SPATA18: variants seen among roughly 807,000 people sequenced by gnomAD.
SPATA18 encodes the protein spermatogenesis associated 18.
SPATA18 carries 54 observed loss-of-function variants against 68.1 expected under a neutral mutation model. That is an observed-to-expected ratio of 0.79 (90% CI 0.64 to 0.99). SPATA18 has a LOEUF of 0.99. Among genes scored for constraint, SPATA18 ranks in the 50% least tolerant of loss-of-function variants. SPATA18 has a pLI of 0.00. For missense variants in SPATA18, 724 were observed against 681.1 expected (o/e 1.06, Z -0.70); for synonymous variants, 242 against 244.8 (o/e 0.99, Z 0.11).
At chr4:52,053,476 T>C (rs977533328) in intron 1 of SPATA18, among the ~76,000 whole-genome samples, 4 of 152,222 alleles carry the variant, frequency 2.6e-5, no homozygotes, top group African/African-American at 9.6e-5. Context: ...CCTCCACTCC[T>C]GCTTCATCTG....
At chr4:52,060,105 T>G (rs1038705954) in intron 1 of SPATA18, among the ~76,000 whole-genome samples, 1 of 152,192 alleles carries the variant, frequency 6.6e-6, no homozygotes, top group African/African-American at 2.4e-5. Context: ...CTGCATTCAG[T>G]TGGCAGAAGG....
Position 52,076,821 on chromosome 4 carries a change from TAGCTGC to T in SPATA18, c.805_810del (p.Cys269_Ser270del). The T allele has an allele frequency of 6.2e-7, 1 of 1,614,110 alleles. No individual in the cohort carries two copies. The highest frequency in any genetic ancestry group is 8.5e-7 in the Non-Finnish European group (1 of 1,179,992). On this transcript the variant is annotated inframe_deletion, in exon 7 of 13. Coordinates refer to ENST00000295213, the MANE Select transcript of SPATA18 (RefSeq NM_145263.4). The stretch of plus-strand genomic sequence containing the variant: ...CTCCCAGCCCTGCCCCTCGCAGCCG[TAGCTGC>T]AGCCGCAGCAGATCTGCCAGCCCCT...
chr4:52,071,799 A>T, intron 5 of SPATA18, 118 bp from the exon 6 acceptor site: 1 of 985,726 alleles, frequency 1.0e-6, no homozygotes, highest in South Asian at 1.7e-5. Flanking sequence ...CAATAATGGC[A>T]GGCTGAGTAG....
intron 1 of SPATA18, among the ~76,000 whole-genome samples, chr4:52,060,050 T>A (rs711347): frequency 0.58 from 88,660 of 152,098 alleles, 29,549 homozygotes; most frequent in Middle Eastern, 0.77. Flanking sequence ...GCAAATCTTG[T>A]GGCTCCACCA....
At chr4:52,082,334 A>G in intron 9 of SPATA18, 53 bp from the exon 10 acceptor site, 1 of 1,527,274 alleles carries the variant, frequency 6.5e-7, no homozygotes, top group Non-Finnish European at 9.1e-7. Flanking sequence ...TTTCCCCTAG[A>G]TATGCTCCAT....
At chr4:52,089,889 A>G (rs1051479542) in intron 11 of SPATA18, among the ~76,000 whole-genome samples, 1 of 152,156 alleles carries the variant, frequency 6.6e-6, no homozygotes, top group African/African-American at 2.4e-5. Context: ...GGGGTGTTAA[A>G]GTCTCTCACT....
chr4:52,058,780 A>G (rs998865261), intron 1 of SPATA18, among the ~76,000 whole-genome samples: 2 of 152,176 alleles, frequency 1.3e-5, no homozygotes, highest in Admixed American at 6.5e-5. Flanking sequence ...AGTTAAGAGC[A>G]TGGGCTCTGG....
chr4:52,073,519 C>T (rs1740052258), intron 6 of SPATA18, among the ~76,000 whole-genome samples: 1 of 152,114 alleles, frequency 6.6e-6, no homozygotes, highest in African/African-American at 2.4e-5. Context: ...ACTGGGAATT[C>T]CAGCTACTTG....
intron 11 of SPATA18, among the ~76,000 whole-genome samples, chr4:52,091,355 G>A (rs1284261396): frequency 6.6e-6 from 1 of 152,078 alleles, no homozygotes; most frequent in Non-Finnish European, 1.5e-5. Flanking sequence ...TGATCCTTTG[G>A]AGGAGGAAAG....
chr4:52,069,950 A>C, intron 5 of SPATA18, 34 bp downstream of exon 5: 1 of 1,486,754 alleles, frequency 6.7e-7, no homozygotes, highest in Non-Finnish European at 9.1e-7. Context: ...TTGCAGCCTA[A>C]ATCATTGAAT....
In SPATA18 at chr4:52,060,445, C is replaced by G; in HGVS notation, c.114C>G (p.Asn38Lys). 1 of 1,614,006 alleles carries G rather than the reference C, an allele frequency of 6.2e-7. No homozygotes were observed. The highest frequency in any genetic ancestry group is 1.3e-5 in the African/African-American group (1 of 75,036). The change falls in exon 2 of 13, where the codon AAC becomes AAG. Residue 38 changes from asparagine (N) to lysine (K), a missense_variant. Transcript: ENST00000295213. ...YNTNTCDQNL[N>K]HCLELIEQVA... ...CAAACACGTGTGATCAAAATCTAAA[C>G]CATTGCCTTGAACTCATTGAGCAAG...
intron 6 of SPATA18, among the ~76,000 whole-genome samples, chr4:52,075,713 T>C (rs977346627): frequency 2.0e-5 from 3 of 152,214 alleles, no homozygotes; most frequent in African/African-American, 4.8e-5. Flanking sequence ...GATCATATAA[T>C]GTCATCTGCC....
chr4:52,069,514 C>T (rs930130521), intron 4 of SPATA18, among the ~76,000 whole-genome samples: 4 of 152,208 alleles, frequency 2.6e-5, no homozygotes, highest in South Asian at 2.1e-4. Context: ...ATGAATTAGG[C>T]AGGTGAGAAG....
chr4:52,054,557 C>T (rs920161839), intron 1 of SPATA18, among the ~76,000 whole-genome samples: 2 of 151,716 alleles, frequency 1.3e-5, no homozygotes, highest in Non-Finnish European at 2.9e-5. Context: ...ATGCATGTTA[C>T]GTTCATCCTA....
Position 52,060,857 on chromosome 4 carries a change from C to T in SPATA18, c.269C>T (p.Ser90Phe), listed in dbSNP as rs1207210735. Reference protein sequence around the residue: ...PWLEASFTAASLGKSVDSKVP... With the variant: ...PWLEASFTAAFLGKSVDSKVP... ...CTGGAGGCTTCCTTTACTGCTGCTT[C>T]CCTGGGAAAATCTGTTGACAGCAAG... The change falls in exon 3 of 13, where the codon TCC becomes TTC. Residue 90 changes from serine to phenylalanine, a missense_variant. Ser to Phe is a radical substitution (Grantham distance 155). Coordinates refer to ENST00000295213, the MANE Select transcript of SPATA18 (RefSeq NM_145263.4). 2.5e-6 allele frequency: 4 copies of T among 1,613,936 alleles called. No homozygotes were observed. The highest frequency in any genetic ancestry group is 2.5e-6 in the Non-Finnish European group (3 of 1,179,932).
intron 4 of SPATA18, among the ~76,000 whole-genome samples, chr4:52,065,320 G>T (rs1424064822): frequency 6.6e-6 from 1 of 151,914 alleles, no homozygotes; most frequent in Non-Finnish European, 1.5e-5. Flanking sequence ...ATTTATTTTG[G>T]TTTTTGTTGC....
At chr4:52,057,893 G>A (rs756278959) in intron 1 of SPATA18, among the ~76,000 whole-genome samples, 4 of 152,196 alleles carry the variant, frequency 2.6e-5, no homozygotes, top group East Asian at 1.9e-4. Flanking sequence ...CATGGGAGAG[G>A]AATGGGCTCA....
chr4:52,078,932 G>T, intron 8 of SPATA18, 39 bp downstream of exon 8: 1 of 1,518,682 alleles, frequency 6.6e-7, no homozygotes, highest in Non-Finnish European at 9.0e-7. Context: ...GTTTGCTGCT[G>T]CTGCTGCAGT....
Position 52,062,289 on chromosome 4 carries a change from A to G in SPATA18, c.379A>G (p.Asn127Asp). The change falls in exon 4 of 13, where the codon AAT (asparagine) becomes GAT (aspartate). Residue 127 changes from asparagine (N) to aspartate (D), a missense_variant. Transcript: ENST00000295213. ...TCGGGATATGCAACAGTTAGACTCT[A>G]ATTTGAACTCAACCCGGAGTCAATG... ...RDRDMQQLDS[N>D]LNSTRSQCNQ... is the part of the protein sequence containing the mutation. 1.9e-6 allele frequency: 3 copies of G among 1,611,060 alleles called. No individual in the cohort carries two copies. The highest frequency in any genetic ancestry group is 2.5e-6 in the Non-Finnish European group (3 of 1,178,400).
Sources: gnomAD v4.1 joint callset for allele counts (sites outside exome capture counted in the v4.1 genomes callset) on GRCh38, gnomAD v4.1.1 for gene constraint, MANE v1.5 for transcripts, NCBI Gene and HGNC (gene_info 2026-07-23, HGNC 2026-07-21) for gene names.